The following TBL1XR1 variants were observed in gnomAD, a reference collection of about 807,000 sequenced individuals.
The protein encoded by TBL1XR1 is F-box-like/WD repeat-containing protein TBL1XR1.
Under a neutral mutation model 66.9 loss-of-function variants are expected in TBL1XR1, and 5 were observed. The observed-to-expected ratio is 0.07, with a 90% confidence interval of 0.04 to 0.16. The LOEUF (loss-of-function observed/expected upper bound fraction) is 0.16, where lower values mean the gene tolerates loss of function less well. Among genes scored for constraint, TBL1XR1 ranks in the 10% least tolerant of loss-of-function variants. The pLI is 1.00. For synonymous variants in TBL1XR1, 210 were observed against 206.0 expected (o/e 1.02, Z -0.17); for missense variants, 238 against 623.2 (o/e 0.38, Z 6.58).
chr3:177,123,874 T>C (rs889166030), intron 1 of TBL1XR1, among the ~76,000 whole-genome samples: 1 of 152,056 alleles, frequency 6.6e-6, no homozygotes, highest in Non-Finnish European at 1.5e-5. Flanking sequence ...CATGAAAGGA[T>C]GACAAAGAAA....
chr3:177,132,983 T>C (rs1352238288), intron 1 of TBL1XR1, among the ~76,000 whole-genome samples: 1 of 152,138 alleles, frequency 6.6e-6, no homozygotes. Flanking sequence ...ATCATATAAT[T>C]TCACTACTTA....
chr3:177,051,748 A>G, intron 4 of TBL1XR1, 22 bp from the exon 5 acceptor site: 1 of 1,516,356 alleles, frequency 6.6e-7, no homozygotes, highest in South Asian at 1.3e-5. Context: ...AAATTGTGAG[A>G]GAAGAAAAAT....
At position 177,125,041 on chromosome 3, in the gene TBL1XR1, G is replaced by A. The variant is rs142446543; in HGVS notation, c.-121-26500C>T. On this transcript the variant is annotated intron_variant, in intron 1 of 15. Coordinates refer to ENST00000457928, the MANE Select transcript of TBL1XR1 (RefSeq NM_024665.7). ...TGGTTTCATAGATATGCCACCAAGAGTACAAGAAACAAAAGAAAAAAACAA... is the reference window on the plus strand; with the variant it reads ...TGGTTTCATAGATATGCCACCAAGAATACAAGAAACAAAAGAAAAAAACAA... Among the ~76,000 whole-genome samples the A allele has an allele frequency of 8.6e-5, 13 of 151,772 alleles. No individual in the cohort carries two copies. In the East Asian group the frequency reaches 1.5e-3, roughly 18 times the overall value.
At chr3:177,036,803 T>G (rs1564763) in intron 12 of TBL1XR1, among the ~76,000 whole-genome samples, 15,626 of 152,210 alleles carry the variant, frequency 0.1, 909 homozygotes, top group African/African-American at 0.12. Flanking sequence ...AGCAGGAAAA[T>G]CAGTTTTCCC....
At chr3:177,129,397 G>C (rs188985402) in intron 1 of TBL1XR1, among the ~76,000 whole-genome samples, 2 of 152,288 alleles carry the variant, frequency 1.3e-5, no homozygotes, top group African/African-American at 4.8e-5. Flanking sequence ...CTCCTTGCAA[G>C]AGAAATGCAA....
upstream of TBL1XR1, among the ~76,000 whole-genome samples, chr3:177,201,581 C>T (rs1737341994): frequency 6.6e-6 from 1 of 152,134 alleles, no homozygotes; most frequent in South Asian, 2.1e-4. Flanking sequence ...TACAGGGTCT[C>T]ATTACTATAT....
chr3:177,071,582 C>T (rs187633391), intron 2 of TBL1XR1, among the ~76,000 whole-genome samples: 1 of 152,088 alleles, frequency 6.6e-6, no homozygotes, highest in East Asian at 1.9e-4. Context: ...GATAACAGCC[C>T]AAGTATCAAA....
chr3:177,127,905 T>G (rs1301690928), intron 1 of TBL1XR1, among the ~76,000 whole-genome samples: 1 of 152,196 alleles, frequency 6.6e-6, no homozygotes, highest in Admixed American at 6.5e-5. Flanking sequence ...TTACTATCAG[T>G]TATCAACGTA....
At chr3:177,032,827 C>A (rs1243769680) in intron 14 of TBL1XR1, 144 bp downstream of exon 14, 3 of 575,662 alleles carry the variant, frequency 5.2e-6, no homozygotes, top group African/African-American at 3.8e-5. Context: ...GATATAACTT[C>A]CATTAGTTTC....
intron 2 of TBL1XR1, among the ~76,000 whole-genome samples, chr3:177,082,981 A>G (rs926795879): frequency 6.6e-6 from 1 of 151,322 alleles, no homozygotes; most frequent in African/African-American, 2.4e-5. Flanking sequence ...GATGGTCTCG[A>G]TCTCCTGACC....
chr3:177,023,126 A>G lies in TBL1XR1; in HGVS notation c.*2372T>C, dbSNP rs890213735. 11 of 152,506 alleles carry G rather than the reference A, an allele frequency of 7.2e-5. No homozygotes were observed. The highest frequency in any genetic ancestry group is 2.4e-4 in the African/African-American group (10 of 41,446). 9.4% of individuals were successfully genotyped at this position (152,506 alleles called of 1,614,324 possible). A position where few individuals can be genotyped will look rare whatever the true frequency, so the allele number is the denominator to read the frequency against. On this transcript the variant is annotated 3_prime_UTR_variant, in exon 16 of 16. Transcript: ENST00000457928. ...TGACTATCTTTTAATCAGCTGGGAAAAAGTCAATAACTGTATGCAAATGAA... is the reference window on the plus strand; with the variant it reads ...TGACTATCTTTTAATCAGCTGGGAAGAAGTCAATAACTGTATGCAAATGAA...
chr3:177,136,438 C>CGT (rs1729007596), intron 1 of TBL1XR1, among the ~76,000 whole-genome samples: 1 of 152,144 alleles, frequency 6.6e-6, no homozygotes, highest in Non-Finnish European at 1.5e-5. Context: ...AGCCACTACA[C>CGT]CCAGCTAATT....
intron 1 of TBL1XR1, among the ~76,000 whole-genome samples, chr3:177,151,900 C>A (rs747664711): frequency 6.6e-6 from 1 of 151,974 alleles, no homozygotes; most frequent in African/African-American, 2.4e-5. Context: ...GGCAGGCACC[C>A]GTAATCCCAG....
At chr3:177,125,827 T>G (rs1211363268) in intron 1 of TBL1XR1, among the ~76,000 whole-genome samples, 1 of 152,200 alleles carries the variant, frequency 6.6e-6, no homozygotes, top group Non-Finnish European at 1.5e-5. Context: ...GACAAAGATT[T>G]TATATTTCAA....
chr3:177,094,764 G>C (rs1208721605), intron 2 of TBL1XR1, among the ~76,000 whole-genome samples: 3 of 152,096 alleles, frequency 2.0e-5, no homozygotes, highest in African/African-American at 7.2e-5. Flanking sequence ...TGAGAGCGAA[G>C]CTATGAGGAG....
intron 2 of TBL1XR1, among the ~76,000 whole-genome samples, chr3:177,096,321 C>T (rs978176925): frequency 1.6e-4 from 23 of 141,782 alleles, no homozygotes; most frequent in African/African-American, 5.8e-4. Context: ...CTAACACACA[C>T]TAACATACAT....
rs1345176607 is a variant in TBL1XR1 at position 177,021,034 on chromosome 3, A to C, written c.*4464T>G. ...ATGAAGTTCTTTAACATGTACAAAAACCTGTCATGGGCTGGTTTACACTTT... is the reference window on the plus strand; with the variant it reads ...ATGAAGTTCTTTAACATGTACAAAACCCTGTCATGGGCTGGTTTACACTTT... On this transcript the variant is annotated 3_prime_UTR_variant, in exon 16 of 16. Transcript: ENST00000457928. 2 of 152,106 alleles carry C rather than the reference A, an allele frequency of 1.3e-5. No homozygotes were observed. The highest frequency in any genetic ancestry group is 4.8e-5 in the African/African-American group (2 of 41,422). 9.4% of individuals were successfully genotyped at this position (152,106 alleles called of 1,614,324 possible). A position where few individuals can be genotyped will look rare whatever the true frequency, so the allele number is the denominator to read the frequency against.
At chr3:177,116,123 C>T (rs1726277390) in intron 1 of TBL1XR1, among the ~76,000 whole-genome samples, 1 of 152,178 alleles carries the variant, frequency 6.6e-6, no homozygotes, top group Non-Finnish European at 1.5e-5. Context: ...TTTTGAAAAA[C>T]AGTACCTTCC....
rs1712844818 is a variant in TBL1XR1, at chr3:177,024,710, A to G, written c.*788T>C. 1 of 145,260 alleles carries G rather than the reference A, an allele frequency of 6.9e-6. No homozygotes were observed. The highest frequency in any genetic ancestry group is 2.2e-4 in the East Asian group (1 of 4,542). 9.0% of individuals were successfully genotyped at this position (145,260 alleles called of 1,614,324 possible). ...TTAAGCCACATCACCAAAAAACAAA[A>G]AAGAAAAAAAAAAAAAAAAAGCAAA... On this transcript the variant is annotated 3_prime_UTR_variant, in exon 16 of 16. Transcript: ENST00000457928.
Sources: gnomAD v4.1 joint callset for allele counts (sites outside exome capture counted in the v4.1 genomes callset) on GRCh38, gnomAD v4.1.1 for gene constraint, MANE v1.5 for transcripts, NCBI Gene and HGNC (gene_info 2026-07-23, HGNC 2026-07-21) for gene names.